RHAG: variants seen among roughly 807,000 people sequenced by gnomAD.
RHAG encodes Rh associated glycoprotein.
Under a neutral mutation model 42.4 loss-of-function variants are expected in RHAG, and 25 were observed. The ratio of observed to expected loss-of-function variants is 0.59; its 90% CI spans 0.43 to 0.82. The LOEUF is 0.82. Ranked by LOEUF, RHAG falls within the 40% of genes least tolerant of loss-of-function variation. RHAG has a pLI of 0.00. For missense variants in RHAG, 483 were observed against 504.6 expected, an observed-to-expected ratio of 0.96 and a Z score of 0.41; for synonymous variants, 182 against 177.7, an observed-to-expected ratio of 1.02 and a Z score of -0.19.
At position 49,636,761 on chromosome 6, in the gene RHAG, C is replaced by A. The variant is rs773607890; in HGVS notation, c.52G>T (p.Val18Phe). ...MAIVLEIAMI[V>F]LFGLFVEYET... Reference sequence around the variant, plus strand: ...TACTCAACAAATAATCCAAATAAAACAATCATGGCAATTTCCAGGACTATA... The same window carrying A: ...TACTCAACAAATAATCCAAATAAAAAAATCATGGCAATTTCCAGGACTATA... The change falls in exon 1 of 10, where the codon GTT becomes TTT. Residue 18 changes from valine to phenylalanine, a missense_variant. By Grantham distance (50) the Val-to-Phe change is conservative. Coordinates refer to ENST00000371175, the MANE Select transcript of RHAG (RefSeq NM_000324.3). 1 of 1,613,898 alleles carries A rather than the reference C, an allele frequency of 6.2e-7. No individual in the cohort carries two copies. Among genetic ancestry groups the A allele is most frequent in the South Asian group, 1.1e-5 (1 of 91,084 alleles).
chr6:49,612,282 T>C, intron 6 of RHAG, 115 bp downstream of exon 6: 2 of 1,155,840 alleles, frequency 1.7e-6, no homozygotes, highest in South Asian at 2.6e-5. Flanking sequence ...AGGCAAATGG[T>C]CTCCAAATAA....
chr6:49,606,155 T>G (rs1774160042), intron 9 of RHAG, among the ~76,000 whole-genome samples: 1 of 152,170 alleles, frequency 6.6e-6, no homozygotes, highest in African/African-American at 2.4e-5. Flanking sequence ...GAGGCTGATG[T>G]TTCGTTATTC....
intron 5 of RHAG, among the ~76,000 whole-genome samples, chr6:49,614,290 T>C (rs776600543): frequency 2.2e-4 from 33 of 152,104 alleles, no homozygotes; most frequent in Non-Finnish European, 4.7e-4. Flanking sequence ...CCTCCCAGGT[T>C]CAAGTGATTC....
intron 1 of RHAG, among the ~76,000 whole-genome samples, chr6:49,623,684 C>T (rs1762799025): frequency 1.3e-5 from 2 of 152,266 alleles, no homozygotes; most frequent in South Asian, 2.1e-4. Flanking sequence ...AGGGTACAGA[C>T]TAGGGATGCT....
At chr6:49,635,260 C>T (rs572303375) in intron 1 of RHAG, among the ~76,000 whole-genome samples, 2 of 151,918 alleles carry the variant, frequency 1.3e-5, no homozygotes, top group East Asian at 3.9e-4. Context: ...TTGAATGATA[C>T]AATTATTAAG....
chr6:49,605,954 ATTGT>A, intron 9 of RHAG, 124 bp from the exon 10 acceptor site: 3 of 839,336 alleles, frequency 3.6e-6, no homozygotes, highest in Admixed American at 1.8e-5. Flanking sequence ...GGGAATAAAA[ATTGT>A]TTGAGTTGAA....
intron 7 of RHAG, among the ~76,000 whole-genome samples, chr6:49,609,699 C>T (rs995055554): frequency 2.2e-4 from 34 of 152,110 alleles, no homozygotes; most frequent in African/African-American, 6.8e-4. Flanking sequence ...TGATTAAATG[C>T]GTTTTTCAAG....
intron 1 of RHAG, among the ~76,000 whole-genome samples, chr6:49,630,758 C>A (rs552065636): frequency 5.3e-5 from 8 of 152,232 alleles, no homozygotes; most frequent in Middle Eastern, 3.4e-3. Context: ...ATTCTAAATA[C>A]CATAATATCA....
chr6:49,631,199 G>A (rs150756731), intron 1 of RHAG, among the ~76,000 whole-genome samples: 1 of 152,252 alleles, frequency 6.6e-6, no homozygotes, highest in East Asian at 1.9e-4. Context: ...TCCACTATAA[G>A]TGTAACTTTG....
At chr6:49,625,196 G>C (rs989878278) in intron 1 of RHAG, among the ~76,000 whole-genome samples, 2 of 152,146 alleles carry the variant, frequency 1.3e-5, no homozygotes, top group Non-Finnish European at 2.9e-5. Flanking sequence ...AAATCTGTTG[G>C]AGACAATCAA....
At chr6:49,628,505 G>C (rs1038991660) in intron 1 of RHAG, among the ~76,000 whole-genome samples, 1 of 152,080 alleles carries the variant, frequency 6.6e-6, no homozygotes, top group African/African-American at 2.4e-5. Context: ...TTAAGGTGGC[G>C]TGTCTGGGTC....
chr6:49,628,620 G>A (rs1357242692), intron 1 of RHAG, among the ~76,000 whole-genome samples: 1 of 152,060 alleles, frequency 6.6e-6, no homozygotes, highest in African/African-American at 2.4e-5. Flanking sequence ...TTCGCGGTGA[G>A]TATTACAGCT....
chr6:49,626,328 C>T (rs1326997233), intron 1 of RHAG, among the ~76,000 whole-genome samples: 1 of 152,156 alleles, frequency 6.6e-6, no homozygotes, highest in African/African-American at 2.4e-5. Context: ...ACTCCCATTC[C>T]AAATGGGAGA....
chr6:49,626,632 CCCT>C (rs1224128177), intron 1 of RHAG, among the ~76,000 whole-genome samples: 1 of 152,160 alleles, frequency 6.6e-6, no homozygotes, highest in Non-Finnish European at 1.5e-5. Context: ...AGGATGGTGG[CCCT>C]CTTCTCAGCT....
At position 49,605,685 on chromosome 6, in the gene RHAG, T is replaced by C. The variant is rs900397071; in HGVS notation, c.*128A>G. On this transcript the variant is annotated 3_prime_UTR_variant, in exon 10 of 10. Transcript: ENST00000371175. ...TCACTCTGGTCCATACTCTCTTTGGTTACTCCCTTTTTGTTTATTTGGACT... is the reference window on the plus strand; with the variant it reads ...TCACTCTGGTCCATACTCTCTTTGGCTACTCCCTTTTTGTTTATTTGGACT... 4 of 887,722 alleles carry C rather than the reference T, an allele frequency of 4.5e-6. No individual in the cohort carries two copies. The South Asian group carries it at 5.3e-5, about 12-fold the overall frequency. The allele number at this position is 887,722 out of a possible 1,614,324, so 55.0% of individuals were successfully genotyped here. A position where few individuals can be genotyped will look rare whatever the true frequency, so the allele number is the denominator to read the frequency against.
At position 49,611,023 on chromosome 6, in the gene RHAG, C is replaced by T. The variant is rs1562012617; in HGVS notation, c.1067+1G>A. On this transcript the variant is annotated splice_donor_variant, in intron 7 of 9. Coordinates refer to ENST00000371175, the MANE Select transcript of RHAG (RefSeq NM_000324.3). LOFTEE classifies it high-confidence loss of function. Reference sequence around the variant, plus strand: ...GCTGAAAAACCCATTCTTTTACTCACGTGTTGGAGGCGCCCATTGCTACTG... The same window carrying T: ...GCTGAAAAACCCATTCTTTTACTCATGTGTTGGAGGCGCCCATTGCTACTG... 10 of 1,613,696 alleles carry T rather than the reference C, an allele frequency of 6.2e-6. No individual in the cohort carries two copies. Among genetic ancestry groups the T allele is most frequent in the East Asian group, 2.2e-5 (1 of 44,884 alleles).
chr6:49,609,056 C>T (rs953478880), intron 7 of RHAG, among the ~76,000 whole-genome samples: 30 of 152,058 alleles, frequency 2.0e-4, no homozygotes, highest in African/African-American at 6.5e-4. Context: ...GCAAAAACAT[C>T]CCTTAAGAAT....
At chr6:49,631,969 C>T (rs1414096353) in intron 1 of RHAG, 2 of 152,088 alleles carry the variant, frequency 1.3e-5, no homozygotes, top group Non-Finnish European at 2.9e-5. Flanking sequence ...GAAATGATTT[C>T]GAGTGATGTG....
At chr6:49,632,704 A>T (rs1353776944) in intron 1 of RHAG, among the ~76,000 whole-genome samples, 1 of 152,004 alleles carries the variant, frequency 6.6e-6, no homozygotes, top group Non-Finnish European at 1.5e-5. Context: ...CACAGAGTAT[A>T]AAAAAATCAT....
Sources: gnomAD v4.1 joint callset for allele counts (sites outside exome capture counted in the v4.1 genomes callset) on GRCh38, gnomAD v4.1.1 for gene constraint, MANE v1.5 for transcripts, NCBI Gene and HGNC (gene_info 2026-07-23, HGNC 2026-07-21) for gene names.